The following GCLM variants were observed in gnomAD, a reference collection of about 807,000 sequenced individuals.
GCLM encodes glutamate--cysteine ligase regulatory subunit.
GCLM carries 15 observed loss-of-function variants against 36.0 expected under a neutral mutation model. That is an observed-to-expected ratio of 0.42 (90% confidence interval 0.28 to 0.64). The LOEUF is 0.64. GCLM is among the 30% of genes least tolerant of loss of function. The pLI is 0.25. For missense variants in GCLM, 242 were observed against 325.5 expected (o/e 0.74, Z 1.97); for synonymous variants, 129 against 122.8 (o/e 1.05, Z -0.34).
intron 2 of GCLM, 104 bp downstream of exon 2, chr1:93,904,419 C>T: frequency 1.3e-6 from 1 of 751,522 alleles, no homozygotes; most frequent in African/African-American, 1.7e-5. Flanking sequence ...GAGTTTATGG[C>T]TAATTGCCTA....
intron 1 of GCLM, among the ~76,000 whole-genome samples, chr1:93,905,645 TTA>T (rs1364585493): frequency 6.6e-6 from 1 of 152,208 alleles, no homozygotes; most frequent in Admixed American, 6.5e-5. Context: ...ATGTTGTAAA[TTA>T]ATTCAAACAT....
intron 2 of GCLM, among the ~76,000 whole-genome samples, chr1:93,902,758 C>T (rs11165033): frequency 0.022 from 3,358 of 152,242 alleles, 139 homozygotes; most frequent in African/African-American, 0.075. Flanking sequence ...CATGTATCCA[C>T]CATTACAATA....
rs1211441590 is a variant in GCLM at position 93,885,936 on chromosome 1, ATAAT to A, written c.*3050_*3053del. The A allele has an allele frequency of 1.3e-5, 2 of 152,206 alleles. No individual in the cohort carries two copies. Among genetic ancestry groups the A allele is most frequent in the Non-Finnish European group, 2.9e-5 (2 of 68,006 alleles). The allele number at this position is 152,206 out of a possible 1,614,324, so 9.4% of individuals were successfully genotyped here. On this transcript the variant is annotated 3_prime_UTR_variant, in exon 7 of 7. Transcript: ENST00000370238. ...GTCTGAACTATTCATGCAAAATAGAATAATTTTTTATTTTCCATTTTATACATAG... is the reference window on the plus strand; with the variant it reads ...GTCTGAACTATTCATGCAAAATAGAATTTTTATTTTCCATTTTATACATAG...
In GCLM at chr1:93,894,691, C is replaced by T; in HGVS notation, c.578G>A (p.Cys193Tyr). 6.2e-7 allele frequency: 1 copy of T among 1,610,616 alleles called. No individual in the cohort carries two copies. The highest frequency in any genetic ancestry group is 8.5e-7 in the Non-Finnish European group (1 of 1,177,080). The part of the protein sequence containing the change: ...PNSNQVNLAS[C>Y]CVMPPDLTAF... The stretch of plus-strand genomic sequence containing the variant: ...AGTCAAATCTGGTGGCATCACACAG[C>T]AGGAGGCAAGATTAACTTGGTTACT... Residue 193 changes from cysteine (C) to tyrosine (Y), a missense_variant, in exon 6 of 7, where the codon TGC becomes TAC. Transcript: ENST00000370238.
chr1:93,906,440 TGG>T (rs1312398737), intron 1 of GCLM, among the ~76,000 whole-genome samples: 1 of 152,202 alleles, frequency 6.6e-6, no homozygotes, highest in East Asian at 1.9e-4. Context: ...AATTTCCCTC[TGG>T]AAGGATGGCT....
intron 6 of GCLM, among the ~76,000 whole-genome samples, chr1:93,891,754 G>A (rs1397848826): frequency 1.3e-5 from 2 of 152,120 alleles, no homozygotes; most frequent in South Asian, 2.1e-4. Context: ...GTTTGATTTC[G>A]GAGTGCTAAA....
At chr1:93,904,950 A>G (rs1361851819) in intron 1 of GCLM, among the ~76,000 whole-genome samples, 3 of 151,998 alleles carry the variant, frequency 2.0e-5, no homozygotes, top group African/African-American at 4.8e-5. Flanking sequence ...GAGGGGGGCA[A>G]ATCACTTGAG....
Position 93,885,995 on chromosome 1 carries a change from T to G in GCLM, c.*2995A>C, listed in dbSNP as rs949841381. On this transcript the variant is annotated 3_prime_UTR_variant, in exon 7 of 7. Transcript: ENST00000370238. ...TATCCAAATGATCTTTTTTGAAAAA[T>G]GAAAAATTATTAGCTATTATTTGTG... 1 of 152,160 alleles carries G rather than the reference T, an allele frequency of 6.6e-6. No homozygotes were observed. Among genetic ancestry groups the G allele is most frequent in the Admixed American group, 6.5e-5 (1 of 15,282 alleles). The allele number at this position is 152,160 out of a possible 1,614,324, so 9.4% of individuals were successfully genotyped here.
At chr1:93,908,994 G>C (rs1284989568) in intron 1 of GCLM, 44 bp downstream of exon 1, 2 of 1,397,738 alleles carry the variant, frequency 1.4e-6, no homozygotes, top group Non-Finnish European at 1.9e-6. Context: ...GGCCCCGCCC[G>C]AGGCCTGCCC....
At chr1:93,892,288 AG>A (rs1005290206) in intron 6 of GCLM, among the ~76,000 whole-genome samples, 2 of 152,216 alleles carry the variant, frequency 1.3e-5, no homozygotes, top group African/African-American at 4.8e-5. Flanking sequence ...GTAGACCTTC[AG>A]GGAATTTATA....
intron 3 of GCLM, among the ~76,000 whole-genome samples, chr1:93,898,303 GAAAAAAAA>G (rs58007552): frequency 0.02 from 322 of 16,426 alleles, no homozygotes; most frequent in African/African-American, 0.057. Context: ...GAAGAAAACT[GAAAAAAAA>G]AAAAAAAAAA....
chr1:93,904,534 C>G lies in GCLM; in HGVS notation c.181G>C (p.Asp61His). The G allele has an allele frequency of 6.2e-7, 1 of 1,607,778 alleles. No individual in the cohort carries two copies. Reference sequence around the variant, plus strand: ...CACATTTCACTTACCCTGACCAAATCTGGGTTGATTTGGGAACTCCATTCA... The same window carrying G: ...CACATTTCACTTACCCTGACCAAATGTGGGTTGATTTGGGAACTCCATTCA... ...LNEWSSQINP[D>H]LVREFPDVLE... The change falls in exon 2 of 7, where the codon GAT becomes CAT. Residue 61 changes from aspartate (D) to histidine (H), a missense_variant. Physicochemically the swap from Asp to His is moderately conservative, Grantham distance 81 (BLOSUM62 -1). Coordinates refer to ENST00000370238, the MANE Select transcript of GCLM (RefSeq NM_002061.4).
chr1:93,905,646 T>C (rs1387260696), intron 1 of GCLM, among the ~76,000 whole-genome samples: 1 of 152,212 alleles, frequency 6.6e-6, no homozygotes, highest in Admixed American at 6.5e-5. Flanking sequence ...TGTTGTAAAT[T>C]AATTCAAACA....
At chr1:93,905,956 A>G (rs966279646) in intron 1 of GCLM, among the ~76,000 whole-genome samples, 12 of 152,220 alleles carry the variant, frequency 7.9e-5, no homozygotes, top group African/African-American at 2.9e-4. Context: ...TGGGCAATCA[A>G]TGAAAACACA....
chr1:93,908,335 C>T (rs1657218191), intron 1 of GCLM, among the ~76,000 whole-genome samples: 1 of 152,096 alleles, frequency 6.6e-6, no homozygotes. Flanking sequence ...CCAGTTTTTA[C>T]AAAACTTTAA....
chr1:93,897,925 TTAC>T (rs766201690), intron 3 of GCLM, 27 bp from the exon 4 acceptor site: 1 of 1,333,042 alleles, frequency 7.5e-7, no homozygotes, highest in East Asian at 2.5e-5. Flanking sequence ...ACAAAACTGA[TTAC>T]TACATTTGGA....
intron 3 of GCLM, 45 bp downstream of exon 3, chr1:93,901,540 C>T (rs369348308): frequency 7.2e-6 from 7 of 976,974 alleles, no homozygotes; most frequent in South Asian, 1.3e-5. Flanking sequence ...CAAAATCTAT[C>T]GCTTCCGCTA....
At chr1:93,896,576 G>T (rs1487798866) in intron 5 of GCLM, 42 bp downstream of exon 5, 1 of 1,499,634 alleles carries the variant, frequency 6.7e-7, no homozygotes, top group Non-Finnish European at 9.3e-7. Flanking sequence ...ACTGAAAAGG[G>T]CAAGTTCTTC....
At chr1:93,891,920 A>G (rs1002405847) in intron 6 of GCLM, among the ~76,000 whole-genome samples, 5 of 152,206 alleles carry the variant, frequency 3.3e-5, no homozygotes, top group Admixed American at 2.0e-4. Context: ...GATAGATTCT[A>G]TTATCTCTTT....
Sources: allele counts gnomAD v4.1 joint callset (sites outside exome capture counted in the v4.1 genomes callset), GRCh38; gene constraint gnomAD v4.1.1; transcripts MANE v1.5; gene names NCBI Gene and HGNC (gene_info 2026-07-23, HGNC 2026-07-21).